SLC24A2: variants seen among roughly 807,000 people sequenced by gnomAD.
SLC24A2 encodes the protein solute carrier family 24 member 2, also known as sodium/potassium/calcium exchanger 2.
SLC24A2 carries 36 observed loss-of-function variants against 62.0 expected under a neutral mutation model. The observed-to-expected ratio is 0.58, with a 90% CI of 0.44 to 0.77. SLC24A2 has a LOEUF of 0.77. Among genes scored for constraint, SLC24A2 ranks in the 30% least tolerant of loss-of-function variants. The probability of loss-of-function intolerance (pLI) is 0.00; values close to 1 mark genes in which losing one functional copy is unlikely to be tolerated. For synonymous variants in SLC24A2, 358 were observed against 294.0 expected (o/e 1.22, Z -2.23); for missense variants, 846 against 817.9 (o/e 1.03, Z -0.42).
chr9:20,265,308 T>A, the SLC24A2 span, among the ~76,000 whole-genome samples: 4 of 152,282 alleles, frequency 2.6e-5, no homozygotes, highest in African/African-American at 9.6e-5. Flanking sequence ...AGCTGAAGAA[T>A]AGTCGCCGAG....
chr9:20,225,574 A>ATTATATATATAATAT, the SLC24A2 span, among the ~76,000 whole-genome samples: 4 of 90,848 alleles, frequency 4.4e-5, no homozygotes, highest in African/African-American at 1.5e-4. Flanking sequence ...ATATATATAT[A>ATTATATATATAATAT]ATTTCATTTA....
chr9:19,546,279 G>A (rs1376877823), intron 8 of SLC24A2, among the ~76,000 whole-genome samples: 3 of 152,252 alleles, frequency 2.0e-5, no homozygotes, highest in African/African-American at 7.2e-5. Context: ...GTCTGCTGAA[G>A]CTGCACCTAC....
the SLC24A2 span, among the ~76,000 whole-genome samples, chr9:20,256,554 C>T: frequency 2.6e-5 from 4 of 152,162 alleles, no homozygotes; most frequent in Non-Finnish European, 5.9e-5. Flanking sequence ...CTACTGCTAC[C>T]TCTTGGGTAA....
At chr9:19,841,028 T>C in the SLC24A2 span, among the ~76,000 whole-genome samples, 1 of 152,160 alleles carries the variant, frequency 6.6e-6, no homozygotes, top group African/African-American at 2.4e-5. Context: ...TTTTTTTTTA[T>C]GAACCATAGA....
At chr9:19,710,276 C>G (rs955488395) in intron 2 of SLC24A2, among the ~76,000 whole-genome samples, 1 of 152,126 alleles carries the variant, frequency 6.6e-6, no homozygotes, top group Non-Finnish European at 1.5e-5. Flanking sequence ...AGACATGTTT[C>G]CTTACCTCAA....
the SLC24A2 span, among the ~76,000 whole-genome samples, chr9:19,906,666 A>G: frequency 1.3e-5 from 2 of 152,206 alleles, no homozygotes; most frequent in Admixed American, 6.5e-5. Flanking sequence ...ATCCCACAGA[A>G]ATACAAACTA....
At chr9:19,768,954 T>A (rs778167402) in intron 2 of SLC24A2, among the ~76,000 whole-genome samples, 2 of 152,196 alleles carry the variant, frequency 1.3e-5, no homozygotes, top group African/African-American at 2.4e-5. Flanking sequence ...CATTCATTCC[T>A]GGGTGATTTT....
chr9:20,140,467 T>G, the SLC24A2 span, among the ~76,000 whole-genome samples: 1 of 152,156 alleles, frequency 6.6e-6, no homozygotes. Context: ...AACTTTCTAT[T>G]CCCTTGTGAA....
the SLC24A2 span, among the ~76,000 whole-genome samples, chr9:19,901,169 G>T: frequency 6.6e-6 from 1 of 152,304 alleles, no homozygotes; most frequent in South Asian, 2.1e-4. Context: ...AATTTTGTAA[G>T]GGAGACAGGC....
the SLC24A2 span, among the ~76,000 whole-genome samples, chr9:19,882,510 C>A: frequency 6.6e-6 from 1 of 152,170 alleles, no homozygotes; most frequent in East Asian, 1.9e-4. Context: ...ACGCCCCCCA[C>A]CCACTTTCCT....
the SLC24A2 span, among the ~76,000 whole-genome samples, chr9:19,939,285 T>G: frequency 6.6e-5 from 10 of 152,224 alleles, no homozygotes; most frequent in Non-Finnish European, 1.5e-4. Context: ...TCATGGAGTA[T>G]ACTTATACAA....
chr9:20,086,803 A>G, the SLC24A2 span, among the ~76,000 whole-genome samples: 2 of 152,200 alleles, frequency 1.3e-5, no homozygotes, highest in African/African-American at 4.8e-5. Context: ...CCTGCCCGTG[A>G]GAACCTTCTC....
the SLC24A2 span, among the ~76,000 whole-genome samples, chr9:19,890,580 C>T: frequency 6.6e-6 from 1 of 152,114 alleles, no homozygotes; most frequent in Non-Finnish European, 1.5e-5. Flanking sequence ...CTTTACTGAC[C>T]TCTAAATATT....
chr9:19,593,419 C>CT (rs1486926721), intron 5 of SLC24A2, among the ~76,000 whole-genome samples: 1 of 152,060 alleles, frequency 6.6e-6, no homozygotes, highest in African/African-American at 2.4e-5. Context: ...TCGGGAGCTG[C>CT]TCCAGTGAGG....
the SLC24A2 span, among the ~76,000 whole-genome samples, chr9:20,248,266 G>A: frequency 0.15 from 23,137 of 152,194 alleles, 1,803 homozygotes; most frequent in South Asian, 0.28. Flanking sequence ...TTTATACATC[G>A]AGGATCTTTG....
At chr9:19,591,663 G>A (rs1426767197) in intron 5 of SLC24A2, among the ~76,000 whole-genome samples, 1 of 152,184 alleles carries the variant, frequency 6.6e-6, no homozygotes, top group Admixed American at 6.5e-5. Context: ...CTTGGACCAT[G>A]AGGTGCCCTT....
At chr9:19,532,433 C>T (rs948026032) in intron 8 of SLC24A2, among the ~76,000 whole-genome samples, 10 of 152,030 alleles carry the variant, frequency 6.6e-5, no homozygotes, top group South Asian at 2.1e-4. Context: ...TATTTGAGGC[C>T]GAATAGAATG....
At chr9:20,263,235 G>C in the SLC24A2 span, among the ~76,000 whole-genome samples, 1 of 152,176 alleles carries the variant, frequency 6.6e-6, no homozygotes, top group Non-Finnish European at 1.5e-5. Flanking sequence ...GAGACAGAGA[G>C]AGAAGAATCC....
At chr9:19,738,839 C>G (rs75372811) in intron 2 of SLC24A2, among the ~76,000 whole-genome samples, 14,424 of 152,150 alleles carry the variant, frequency 0.095, 782 homozygotes, top group Middle Eastern at 0.16. Context: ...ATATATCTAG[C>G]CAGGCGTGGT....
Sources: allele counts gnomAD v4.1 joint callset (sites outside exome capture counted in the v4.1 genomes callset), GRCh38; gene constraint gnomAD v4.1.1; transcripts MANE v1.5; gene names NCBI Gene and HGNC (gene_info 2026-07-23, HGNC 2026-07-21).